Variants in CCSER1 observed in about 807,000 individuals in gnomAD.
CCSER1 encodes serine-rich coiled-coil domain-containing protein 1.
Under a neutral mutation model 82.0 loss-of-function variants are expected in CCSER1, and 41 were observed. The observed-to-expected ratio is 0.50, with a 90% CI of 0.39 to 0.65. The LOEUF (loss-of-function observed/expected upper bound fraction) is 0.65. Among genes scored for constraint, CCSER1 ranks in the 30% least tolerant of loss-of-function variants. The probability of loss-of-function intolerance (pLI) is 0.00; values close to 1 mark genes in which losing one functional copy is unlikely to be tolerated. For missense variants in CCSER1, 1,119 were observed against 1,064.2 expected, an observed-to-expected ratio of 1.05 and a Z score of -0.72; for synonymous variants, 414 against 383.9, an observed-to-expected ratio of 1.08 and a Z score of -0.92.
rs1018446236 is a variant in CCSER1 at position 91,570,341 on chromosome 4, G to A, written c.2218-28231G>A. Reference sequence around the variant, plus strand: ...TCTTCTCATAGCACCACTAGGCAGTGCCCCAGTGGGGACTCTATGTGGGGG... The same window carrying A: ...TCTTCTCATAGCACCACTAGGCAGTACCCCAGTGGGGACTCTATGTGGGGG... On this transcript the variant is annotated intron_variant, in intron 10 of 10. Coordinates refer to ENST00000509176, the MANE Select transcript of CCSER1 (RefSeq NM_001145065.2). Among the ~76,000 whole-genome samples, 15 of 152,170 alleles carry A rather than the reference G, an allele frequency of 9.9e-5. 1 individual carries two copies. Among genetic ancestry groups the A allele is most frequent in the Admixed American group, 7.2e-4 (11 of 15,270 alleles).
intron 9 of CCSER1, among the ~76,000 whole-genome samples, chr4:91,053,858 A>G (rs1203331849): frequency 6.6e-6 from 1 of 152,128 alleles, no homozygotes; most frequent in East Asian, 1.9e-4. Context: ...TTCTGTTCAT[A>G]CTGTAATGTC....
chr4:90,518,492 CATG>C (rs1297241793), intron 5 of CCSER1, among the ~76,000 whole-genome samples: 1 of 152,144 alleles, frequency 6.6e-6, no homozygotes, highest in African/African-American at 2.4e-5. Context: ...CCATTAACTA[CATG>C]ATAACTGTCA....
intron 8 of CCSER1, among the ~76,000 whole-genome samples, chr4:90,835,003 T>G (rs2149838213): frequency 6.6e-6 from 1 of 152,332 alleles, no homozygotes; most frequent in East Asian, 1.9e-4. Context: ...ATGTTTTTCA[T>G]CTGCATCTAC....
At chr4:90,573,186 T>TACTGC (rs1780317778) in intron 5 of CCSER1, among the ~76,000 whole-genome samples, 1 of 152,206 alleles carries the variant, frequency 6.6e-6, no homozygotes, top group African/African-American at 2.4e-5. Context: ...TGGGGCTTGC[T>TACTGC]ACAGCAGGCA....
At chr4:90,568,250 T>C (rs1461453086) in intron 5 of CCSER1, among the ~76,000 whole-genome samples, 1 of 152,214 alleles carries the variant, frequency 6.6e-6, no homozygotes, top group Admixed American at 6.5e-5. Flanking sequence ...TGTTTATTGC[T>C]GAAAGTGGGC....
chr4:90,710,845 GT>G (rs1288765673), intron 6 of CCSER1, among the ~76,000 whole-genome samples: 2 of 151,968 alleles, frequency 1.3e-5, no homozygotes, highest in Admixed American at 6.6e-5. Context: ...ATTATAAACT[GT>G]TTTTTTCTTG....
At chr4:90,737,521 C>A (rs1339765464) in intron 7 of CCSER1, among the ~76,000 whole-genome samples, 1 of 152,082 alleles carries the variant, frequency 6.6e-6, no homozygotes, top group Non-Finnish European at 1.5e-5. Context: ...TTCCTTTCTT[C>A]TTGCTGCTTT....
At chr4:91,351,213 G>A (rs1037847349) in intron 10 of CCSER1, among the ~76,000 whole-genome samples, 1 of 151,848 alleles carries the variant, frequency 6.6e-6, no homozygotes, top group Non-Finnish European at 1.5e-5. Flanking sequence ...ATAAAATAAA[G>A]CTATTTTATA....
intron 10 of CCSER1, among the ~76,000 whole-genome samples, chr4:91,388,382 T>C (rs1275338465): frequency 6.6e-6 from 1 of 152,092 alleles, no homozygotes; most frequent in East Asian, 1.9e-4. Context: ...TGTACCATTA[T>C]CTGAGTGAAC....
intron 7 of CCSER1, among the ~76,000 whole-genome samples, chr4:90,797,052 T>C (rs1364421768): frequency 6.6e-6 from 1 of 152,212 alleles, no homozygotes; most frequent in African/African-American, 2.4e-5. Flanking sequence ...GCTTATTTTC[T>C]GTCTTGGTGA....
At chr4:91,087,539 A>G (rs1317316853) in intron 10 of CCSER1, among the ~76,000 whole-genome samples, 1 of 152,048 alleles carries the variant, frequency 6.6e-6, no homozygotes, top group African/African-American at 2.4e-5. Context: ...TTAATTTTAG[A>G]AGTATATTGT....
chr4:90,292,912 A>T (rs1410279825), intron 1 of CCSER1, among the ~76,000 whole-genome samples: 2 of 151,926 alleles, frequency 1.3e-5, no homozygotes, highest in East Asian at 3.9e-4. Context: ...CCACCTTTTA[A>T]TTTACTATCC....
Position 90,268,321 on chromosome 4 carries a change from C to A in CCSER1, c.-41-39923C>A, listed in dbSNP as rs77652513. ...TAGAAAGATGAAAAGATGAAACAAT[C>A]AAAAATAATAACTACAACAATTTCA... On this transcript the variant is annotated intron_variant, in intron 1 of 10. Transcript: ENST00000509176. Among the ~76,000 whole-genome samples, 1,250 of 151,974 alleles carry A rather than the reference C, an allele frequency of 8.2e-3. 15 individuals are homozygous for A. Among genetic ancestry groups the A allele is most frequent in the African/African-American group, 0.029 (1,185 of 41,468 alleles).
intron 3 of CCSER1, among the ~76,000 whole-genome samples, chr4:90,372,203 A>C (rs540108914): frequency 2.0e-5 from 3 of 152,316 alleles, no homozygotes; most frequent in South Asian, 2.1e-4. Context: ...AAATAAAAAC[A>C]TAACACTCTG....
intron 9 of CCSER1, among the ~76,000 whole-genome samples, chr4:90,981,503 G>A (rs140875252): frequency 2.0e-3 from 304 of 151,904 alleles, no homozygotes; most frequent in Middle Eastern, 6.8e-3. Flanking sequence ...GATGTTTTTA[G>A]GGGGAGCTTC....
intron 6 of CCSER1, among the ~76,000 whole-genome samples, chr4:90,704,969 A>C (rs1212039266): frequency 6.6e-6 from 1 of 152,172 alleles, no homozygotes; most frequent in Non-Finnish European, 1.5e-5. Context: ...TTCTTTTCTC[A>C]ACTCGTCAAA....
chr4:90,488,560 G>A (rs1767492747), intron 5 of CCSER1, among the ~76,000 whole-genome samples: 1 of 152,086 alleles, frequency 6.6e-6, no homozygotes, highest in African/African-American at 2.4e-5. Context: ...ATTAATAAAA[G>A]CCCTCTAAGT....
At chr4:90,279,053 A>G (rs1460055200) in intron 1 of CCSER1, among the ~76,000 whole-genome samples, 2 of 152,010 alleles carry the variant, frequency 1.3e-5, no homozygotes, top group African/African-American at 2.4e-5. Flanking sequence ...TTTACATTAT[A>G]TTCTATAATG....
rs771832143 is a variant in CCSER1, at chr4:90,838,946, G to A, written c.2094+23101G>A. The stretch of plus-strand genomic sequence containing the variant: ...CTTCTCCTGTTCAATCGTTTCTTTG[G>A]AAGGCAGTGGATTTTTCTCTTGCGT... On this transcript the variant is annotated intron_variant, in intron 8 of 10. Transcript: ENST00000509176. 3.7e-6 allele frequency: 6 copies of A among 1,613,250 alleles called. No homozygotes were observed. The South Asian group carries it at 6.6e-5, about 18-fold the overall frequency.
Sources: allele counts gnomAD v4.1 joint callset (sites outside exome capture counted in the v4.1 genomes callset), GRCh38; gene constraint gnomAD v4.1.1; transcripts MANE v1.5; gene names NCBI Gene and HGNC (gene_info 2026-07-23, HGNC 2026-07-21).